Variants in NBEAL1 observed in about 807,000 individuals in gnomAD.
NBEAL1 encodes the protein neurobeachin like 1, also known as neurobeachin-like protein 1.
Under a neutral mutation model 351.3 loss-of-function variants are expected in NBEAL1, and 273 were observed. The ratio of observed to expected loss-of-function variants is 0.78; its 90% CI spans 0.70 to 0.86. The LOEUF (loss-of-function observed/expected upper bound fraction) is 0.86, where lower values mean the gene tolerates loss of function less well. Among genes scored for constraint, NBEAL1 ranks in the 40% least tolerant of loss-of-function variants. The pLI is 0.00. For missense variants in NBEAL1, 2,961 were observed against 3,201.3 expected (o/e 0.92, Z 1.81); for synonymous variants, 1,050 against 1,086.4 (o/e 0.97, Z 0.66).
At chr2:203,064,756 G>A (rs2061554004) in intron 6 of NBEAL1, among the ~76,000 whole-genome samples, 1 of 152,188 alleles carries the variant, frequency 6.6e-6, no homozygotes, top group South Asian at 2.1e-4. Context: ...CCTGGAAGCT[G>A]TATTGGAAGA....
rs2063213064 is a variant in NBEAL1 at position 203,136,539 on chromosome 2, T to C, written c.4390-60T>C. 3 of 1,223,850 alleles carry C rather than the reference T, an allele frequency of 2.5e-6. No individual in the cohort carries two copies. The African/African-American group carries it at 4.6e-5, about 19-fold the overall frequency. 75.8% of individuals were successfully genotyped at this position (1,223,850 alleles called of 1,614,324 possible). A position where few individuals can be genotyped will look rare whatever the true frequency, so the allele number is the denominator to read the frequency against. The stretch of plus-strand genomic sequence containing the variant: ...CAATGAGTATATGTAATGGTTCTTA[T>C]GATGTGCTTTGAACAACTACACCCT... On this transcript the variant is annotated intron_variant, in intron 28 of 55. Coordinates refer to ENST00000683969, the MANE Select transcript of NBEAL1 (RefSeq NM_001378026.1).
intron 43 of NBEAL1, chr2:203,180,933 A>ATTTTTTTTTTTTTTTTTTTTTTTTTTTT (rs10671968): frequency 1.6e-5 from 1 of 61,698 alleles, no homozygotes; most frequent in African/African-American, 5.4e-5. Context: ...CAGCCAGTCA[A>ATTTTTTTTTTTTTTTTTTTTTTTTTTTT]TTTTTTTTTT....
intron 38 of NBEAL1, among the ~76,000 whole-genome samples, chr2:203,169,419 A>AG (rs1387214196): frequency 2.7e-5 from 4 of 150,712 alleles, no homozygotes; most frequent in Non-Finnish European, 5.9e-5. Flanking sequence ...AAACCACTGA[A>AG]GCCAGGTGTG....
intron 43 of NBEAL1, chr2:203,182,548 A>C (rs1446042894): frequency 1.3e-5 from 2 of 152,254 alleles, no homozygotes; most frequent in African/African-American, 4.8e-5. Context: ...AATGACTATC[A>C]GGTGGGCAAC....
intron 38 of NBEAL1, among the ~76,000 whole-genome samples, chr2:203,168,483 T>C (rs1183661606): frequency 6.6e-6 from 1 of 152,138 alleles, no homozygotes; most frequent in Non-Finnish European, 1.5e-5. Flanking sequence ...CTTGGGAGGC[T>C]GAGGCAGGAG....
At chr2:203,112,716 G>A (rs2062600218) in intron 16 of NBEAL1, among the ~76,000 whole-genome samples, 1 of 152,148 alleles carries the variant, frequency 6.6e-6, no homozygotes, top group Admixed American at 6.6e-5. Flanking sequence ...TTCAAAAACA[G>A]TGAAGTTAAA....
chr2:203,194,832 T>C (rs554547303), intron 47 of NBEAL1, among the ~76,000 whole-genome samples: 366 of 152,152 alleles, frequency 2.4e-3, no homozygotes, highest in Non-Finnish European at 2.6e-3. Context: ...TTCAATACCA[T>C]GGGAAAATGA....
intron 2 of NBEAL1, among the ~76,000 whole-genome samples, chr2:203,022,695 TC>T (rs2060791221): frequency 2.0e-5 from 3 of 152,176 alleles, no homozygotes; most frequent in Admixed American, 2.0e-4. Flanking sequence ...CAGGATTACT[TC>T]CATTTGCCCT....
intron 2 of NBEAL1, chr2:203,040,307 T>A: frequency 1.3e-6 from 1 of 751,880 alleles, no homozygotes; most frequent in Non-Finnish European, 2.4e-6. Flanking sequence ...TGTGACAAGG[T>A]GCATCTCAGA....
chr2:203,137,795 C>A (rs2063253667), intron 29 of NBEAL1, among the ~76,000 whole-genome samples: 1 of 151,824 alleles, frequency 6.6e-6, no homozygotes, highest in South Asian at 2.1e-4. Context: ...ACCAGCCTAT[C>A]CAACATGGCA....
chr2:203,027,307 T>C (rs185742922), intron 2 of NBEAL1, among the ~76,000 whole-genome samples: 1 of 152,340 alleles, frequency 6.6e-6, no homozygotes, highest in East Asian at 1.9e-4. Context: ...TACTCAAATA[T>C]ATTTTATACA....
Position 203,099,706 on chromosome 2 carries a change from T to C in NBEAL1, c.1263T>C (p.Ala421=). ...CCGCAGTAATGAACAAATCTCCAGC[T>C]GCTAAGGTGAAACATATATCCTCCA... ...ALTAVMNKSP[A]AKEVFKERIG... is the part of the protein sequence containing the mutation. Residue 421 remains alanine, a synonymous_variant, in exon 12 of 56, where the codon GCT becomes GCC. Coordinates refer to ENST00000683969, the MANE Select transcript of NBEAL1 (RefSeq NM_001378026.1). The C allele has an allele frequency of 3.9e-6, 6 of 1,544,746 alleles. No individual in the cohort carries two copies. Among genetic ancestry groups the C allele is most frequent in the Non-Finnish European group, 5.2e-6 (6 of 1,143,548 alleles).
rs1233352696 is a variant in NBEAL1 at position 203,219,679 on chromosome 2, C to G, written c.*2325C>G. 1.3e-5 allele frequency: 2 copies of G among 152,026 alleles called. No homozygotes were observed. The highest frequency in any genetic ancestry group is 3.9e-4 in the East Asian group (2 of 5,182). The allele number at this position is 152,026 out of a possible 1,614,324, so 9.4% of individuals were successfully genotyped here. On this transcript the variant is annotated 3_prime_UTR_variant, in exon 56 of 56. Transcript: ENST00000683969. Reference sequence around the variant, plus strand: ...GACCAGCCTGGCCAACACAGTGAAACCCTTTCTCTACTAAAAATACAAAAA... The same window carrying G: ...GACCAGCCTGGCCAACACAGTGAAAGCCTTTCTCTACTAAAAATACAAAAA...
chr2:203,022,642 TTA>T (rs1257599951), intron 2 of NBEAL1, among the ~76,000 whole-genome samples: 4 of 152,200 alleles, frequency 2.6e-5, no homozygotes, highest in African/African-American at 9.6e-5. Context: ...AATGTAATCT[TTA>T]TAAGTATTTT....
chr2:203,164,695 A>G (rs1251877207), intron 36 of NBEAL1, among the ~76,000 whole-genome samples: 2 of 152,148 alleles, frequency 1.3e-5, no homozygotes, highest in Non-Finnish European at 2.9e-5. Flanking sequence ...GCAAGCTTAA[A>G]ATGGTGATAC....
intron 35 of NBEAL1, among the ~76,000 whole-genome samples, chr2:203,153,929 T>G (rs76640292): frequency 2.7e-5 from 4 of 150,922 alleles, no homozygotes; most frequent in East Asian, 2.0e-4. Context: ...GTTCTTTTTG[T>G]TTTTTTTTCT....
Position 203,024,106 on chromosome 2 carries a change from G to A in NBEAL1, c.51+7671G>A, listed in dbSNP as rs970603117. ...AGCTCTTTGGGAGGGCAGGGTGGGA[G>A]ATTTGCTTGAGCTCGGGAGTTTCAG... is the stretch of plus-strand genomic sequence containing the variant. On this transcript the variant is annotated intron_variant, in intron 2 of 55. Coordinates refer to ENST00000683969, the MANE Select transcript of NBEAL1 (RefSeq NM_001378026.1). Among the ~76,000 whole-genome samples, 4 of 151,488 alleles carry A rather than the reference G, an allele frequency of 2.6e-5. No homozygotes were observed. The East Asian group carries it at 7.7e-4, about 29-fold the overall frequency.
chr2:203,132,041 A>G lies in NBEAL1; in HGVS notation c.3633A>G (p.Glu1211=). ...ERSKQHIRLR[E]VGYSGLGLLL... ...GTAAACAACATATTCGACTCAGAGAAGTTGGCTACTCGGGACTGGGACTCC... is the reference window on the plus strand; with the variant it reads ...GTAAACAACATATTCGACTCAGAGAGGTTGGCTACTCGGGACTGGGACTCC... Residue 1211 remains glutamate, a synonymous_variant, in exon 26 of 56, where the codon GAA becomes GAG. Transcript: ENST00000683969. The G allele has an allele frequency of 6.4e-7, 1 of 1,554,784 alleles. No individual in the cohort carries two copies. Among genetic ancestry groups the G allele is most frequent in the Non-Finnish European group, 8.7e-7 (1 of 1,147,708 alleles).
rs191803496 is a variant in NBEAL1, at chr2:203,223,975, G to T, written c.*6621G>T. 5.1e-4 allele frequency among the ~76,000 whole-genome samples: 78 copies of T among 152,076 alleles called. No individual in the cohort carries two copies. The highest frequency in any genetic ancestry group is 2.4e-5 in the African/African-American group (1 of 41,538). ...CAGACTTAATTGAAAAACTGTCAGCGTCTGTTTTGTATATAGGGATTAAAG... is the reference window on the plus strand; with the variant it reads ...CAGACTTAATTGAAAAACTGTCAGCTTCTGTTTTGTATATAGGGATTAAAG... On this transcript the variant is annotated 3_prime_UTR_variant, in exon 56 of 56. Transcript: ENST00000683969.
Sources: gnomAD v4.1 joint callset for allele counts (sites outside exome capture counted in the v4.1 genomes callset) on GRCh38, gnomAD v4.1.1 for gene constraint, MANE v1.5 for transcripts, NCBI Gene and HGNC (gene_info 2026-07-23, HGNC 2026-07-21) for gene names.